Variants in DMD observed in about 807,000 individuals in gnomAD.
The protein encoded by DMD is dystrophin.
In DMD, 63 loss-of-function variants were observed where a neutral mutation model predicts 330.1. The ratio of observed to expected loss-of-function variants is 0.19; its 90% CI spans 0.16 to 0.24. DMD has a LOEUF of 0.24. DMD is among the 10% of genes least tolerant of loss of function. DMD has a pLI of 1.00. For synonymous variants in DMD, 1,223 were observed against 959.8 expected (o/e 1.27, Z -5.07); for missense variants, 3,344 against 2,684.1 (o/e 1.25, Z -5.43).
intron 53 of DMD, among the ~76,000 whole-genome samples, chrX:31,677,456 T>C (rs925296528): frequency 8.9e-6 from 1 of 112,206 alleles, no homozygotes; most frequent in African/African-American, 3.2e-5. Flanking sequence ...CTACTTTGGT[T>C]TGTGATCCAA....
At chrX:32,586,069 T>C (rs1249082524) in intron 13 of DMD, among the ~76,000 whole-genome samples, 1 of 111,519 alleles carries the variant, frequency 9.0e-6, no homozygotes, top group Non-Finnish European at 1.9e-5. Flanking sequence ...CTTGATACAA[T>C]GTGCAGTTGA....
intron 7 of DMD, among the ~76,000 whole-genome samples, chrX:32,733,297 C>A (rs1359487567): frequency 1.8e-5 from 2 of 110,214 alleles, no homozygotes; most frequent in Non-Finnish European, 3.8e-5. Flanking sequence ...GACTTAGACT[C>A]CCACACATTA....
intron 60 of DMD, among the ~76,000 whole-genome samples, chrX:31,441,079 G>A (rs1479046656): frequency 8.9e-6 from 1 of 112,216 alleles, no homozygotes; most frequent in East Asian, 2.8e-4. Context: ...AAGTAGACAC[G>A]GCCTGATAGT....
intron 44 of DMD, among the ~76,000 whole-genome samples, chrX:32,150,398 T>G (rs183598630): frequency 8.9e-6 from 1 of 111,740 alleles, no homozygotes; most frequent in Non-Finnish European, 1.9e-5. Context: ...TGCCAATCAT[T>G]TTTCCTATTG....
chrX:33,205,805 A>G (rs1277596509), intron 1 of DMD, among the ~76,000 whole-genome samples: 1 of 112,229 alleles, frequency 8.9e-6, no homozygotes, highest in Non-Finnish European at 1.9e-5. Flanking sequence ...AATTTTCATG[A>G]TAGTGAAGAC....
intron 63 of DMD, among the ~76,000 whole-genome samples, chrX:31,242,603 C>G (rs773176156): frequency 9.0e-6 from 1 of 110,524 alleles, no homozygotes; most frequent in African/African-American, 3.3e-5. Flanking sequence ...ATTTTATTTC[C>G]CCCAAAACAC....
At chrX:31,123,877 A>C (rs1357115713) in intron 78 of DMD, among the ~76,000 whole-genome samples, 1 of 111,672 alleles carries the variant, frequency 9.0e-6, no homozygotes, top group Non-Finnish European at 1.9e-5. Context: ...ATAATCACAA[A>C]GTGTCTTTCT....
At chrX:31,795,141 A>G (rs1470671176) in intron 50 of DMD, among the ~76,000 whole-genome samples, 17 of 111,337 alleles carry the variant, frequency 1.5e-4, no homozygotes, top group Non-Finnish European at 1.1e-4. Flanking sequence ...TCAAGTTTCT[A>G]CGGAATCCAT....
intron 44 of DMD, among the ~76,000 whole-genome samples, chrX:32,153,100 T>A (rs370248099): frequency 1.5e-4 from 17 of 112,308 alleles, no homozygotes; most frequent in African/African-American, 4.8e-4. Context: ...CATTCCTTAC[T>A]GACGTCTCTA....
intron 59 of DMD, among the ~76,000 whole-genome samples, chrX:31,456,876 GTATA>G (rs1179873372): frequency 1.5e-3 from 105 of 68,724 alleles, no homozygotes; most frequent in African/African-American, 5.0e-3. Context: ...GTGTGTGTGT[GTATA>G]TATATATATA....
intron 17 of DMD, among the ~76,000 whole-genome samples, chrX:32,523,212 G>C (rs1656076593): frequency 9.0e-6 from 1 of 111,019 alleles, no homozygotes; most frequent in Non-Finnish European, 1.9e-5. Flanking sequence ...TTGAACTAAA[G>C]AACACTGGAA....
chrX:31,293,214 T>TGTAGTCTGGTTTA (rs2053879041), intron 62 of DMD, among the ~76,000 whole-genome samples: 17 of 90,967 alleles, frequency 1.9e-4, no homozygotes, highest in African/African-American at 6.8e-4. Context: ...AGTGTGTGTG[T>TGTAGTCTGGTTTA]GTGTGTGTGT....
intron 55 of DMD, among the ~76,000 whole-genome samples, chrX:31,617,301 G>A (rs749813194): frequency 7.2e-5 from 8 of 111,104 alleles, no homozygotes; most frequent in East Asian, 5.7e-4. Context: ...TTGGGAGGCC[G>A]GGGCGGGCGC....
intron 55 of DMD, among the ~76,000 whole-genome samples, chrX:31,563,075 A>T (rs754802927): frequency 1.0e-5 from 1 of 100,050 alleles, no homozygotes; most frequent in Non-Finnish European, 2.1e-5. Context: ...TTATTTATTT[A>T]TTTTTTGAGA....
chrX:32,937,285 G>A (rs747498222), intron 2 of DMD, among the ~76,000 whole-genome samples: 19 of 109,670 alleles, frequency 1.7e-4, no homozygotes, highest in Non-Finnish European at 3.2e-4. Context: ...AAATCCCATG[G>A]GGCCACATGA....
chrX:31,609,618 T>C (rs2077798217), intron 55 of DMD, among the ~76,000 whole-genome samples: 1 of 112,119 alleles, frequency 8.9e-6, no homozygotes, highest in African/African-American at 3.2e-5. Flanking sequence ...TGGTGTTCCA[T>C]TTTTGTAAAT....
At chrX:31,653,916 T>C (rs955574123) in intron 54 of DMD, among the ~76,000 whole-genome samples, 1 of 111,337 alleles carries the variant, frequency 9.0e-6, no homozygotes, top group Non-Finnish European at 1.9e-5. Context: ...TTCTAAACTG[T>C]ACAATTTAGT....
chrX:31,890,100 CCTT>C (rs2094220928), intron 47 of DMD, among the ~76,000 whole-genome samples: 1 of 109,573 alleles, frequency 9.1e-6, no homozygotes, highest in South Asian at 3.8e-4. Flanking sequence ...AAAACAGTCT[CCTT>C]CTTTTTACTT....
chrX:31,187,901 C>T (rs1231880892), intron 67 of DMD, among the ~76,000 whole-genome samples: 1 of 111,478 alleles, frequency 9.0e-6, no homozygotes, highest in East Asian at 2.8e-4. Flanking sequence ...GAGGACAGAA[C>T]AAGAAGAAAC....
Sources: gnomAD v4.1 joint callset for allele counts (sites outside exome capture counted in the v4.1 genomes callset) on GRCh38, gnomAD v4.1.1 for gene constraint, MANE v1.5 for transcripts, NCBI Gene and HGNC (gene_info 2026-07-23, HGNC 2026-07-21) for gene names.